JAK1: variants seen among roughly 807,000 people sequenced by gnomAD.
JAK1 encodes the protein tyrosine-protein kinase JAK1.
JAK1 carries 16 observed loss-of-function variants against 136.6 expected under a neutral mutation model. The ratio of observed to expected loss-of-function variants is 0.12; its 90% CI spans 0.08 to 0.18. The LOEUF (loss-of-function observed/expected upper bound fraction) is 0.18. Ranked by LOEUF, JAK1 falls within the 10% of genes least tolerant of loss-of-function variation. The pLI, the probability that JAK1 is intolerant of heterozygous loss-of-function variation, is 1.00. For synonymous variants in JAK1, 492 were observed against 519.5 expected, an observed-to-expected ratio of 0.95 and a Z score of 0.72; for missense variants, 859 against 1,450.1, an observed-to-expected ratio of 0.59 and a Z score of 6.62.
At chr1:65,061,241 G>A (rs1311678661) in intron 1 of JAK1, among the ~76,000 whole-genome samples, 4 of 151,996 alleles carry the variant, frequency 2.6e-5, no homozygotes, top group Admixed American at 2.6e-4. Flanking sequence ...CAACATAGTG[G>A]AAGCCTGTCT....
chr1:65,017,799 T>C (rs1432301480), intron 2 of JAK1, among the ~76,000 whole-genome samples: 1 of 151,848 alleles, frequency 6.6e-6, no homozygotes, highest in African/African-American at 2.4e-5. Context: ...GTGGAAAAAA[T>C]TTTTAATTGT....
At chr1:65,026,827 C>G (rs1646981323) in intron 2 of JAK1, among the ~76,000 whole-genome samples, 2 of 151,824 alleles carry the variant, frequency 1.3e-5, no homozygotes, top group Non-Finnish European at 2.9e-5. Flanking sequence ...ATTAGCCAGG[C>G]ATGGCGGAGT....
chr1:64,855,773 G>A (rs760699513), intron 10 of JAK1, 75 bp from the exon 11 acceptor site: 50 of 1,241,254 alleles, frequency 4.0e-5, no homozygotes, highest in South Asian at 7.4e-5. Flanking sequence ...TAACATTAGG[G>A]GAAGCTGCAT....
At chr1:64,930,325 A>C (rs150678777) in intron 1 of JAK1, among the ~76,000 whole-genome samples, 2 of 152,342 alleles carry the variant, frequency 1.3e-5, no homozygotes, top group Non-Finnish European at 2.9e-5. Context: ...AACCCCATCA[A>C]ACAGCGGGCA....
chr1:65,066,339 C>T (rs1648040751), intron 1 of JAK1, among the ~76,000 whole-genome samples: 1 of 152,206 alleles, frequency 6.6e-6, no homozygotes, highest in East Asian at 1.9e-4. Context: ...GCACCCCTCT[C>T]CCCAATAATG....
upstream of JAK1, among the ~76,000 whole-genome samples, chr1:64,968,995 G>A (rs1049058282): frequency 2.7e-5 from 4 of 146,674 alleles, no homozygotes; most frequent in East Asian, 2.0e-4. Context: ...CTGTATTTCC[G>A]ACTACTTGGG....
chr1:64,892,793 C>CA (rs1440239225), intron 1 of JAK1, among the ~76,000 whole-genome samples: 2 of 152,152 alleles, frequency 1.3e-5, no homozygotes, highest in Non-Finnish European at 2.9e-5. Flanking sequence ...AGATAGGTCT[C>CA]AAACACATTT....
rs1570623354 is a variant in JAK1, at chr1:64,845,779, G to A, written c.1988-139C>T. On this transcript the variant is annotated intron_variant, in intron 14 of 24. Coordinates refer to ENST00000342505, the MANE Select transcript of JAK1 (RefSeq NM_002227.4). ...TATCCTTGGGGGGTGCAATGGTGCA[G>A]GGGCTTCAGAGCTGGAAAGGCCAAG... 9 of 1,031,340 alleles carry A rather than the reference G, an allele frequency of 8.7e-6. No homozygotes were observed. In the East Asian group the frequency reaches 2.1e-4, roughly 25 times the overall value. 63.9% of individuals were successfully genotyped at this position (1,031,340 alleles called of 1,614,324 possible).
At chr1:65,004,421 G>T (rs559318075) in intron 2 of JAK1, among the ~76,000 whole-genome samples, 1 of 152,222 alleles carries the variant, frequency 6.6e-6, no homozygotes, top group African/African-American at 2.4e-5. Context: ...GGACTCGTGA[G>T]TGACCATCAG....
chr1:64,905,301 A>G (rs1645172808), intron 1 of JAK1, among the ~76,000 whole-genome samples: 1 of 152,198 alleles, frequency 6.6e-6, no homozygotes, highest in African/African-American at 2.4e-5. Flanking sequence ...ACAGCTTACG[A>G]AAACCTGGGA....
At chr1:65,049,266 T>A (rs939528799) in intron 1 of JAK1, among the ~76,000 whole-genome samples, 2 of 151,754 alleles carry the variant, frequency 1.3e-5, no homozygotes, top group African/African-American at 4.8e-5. Flanking sequence ...TACAGAAAAA[T>A]TTAAAAATCA....
chr1:64,863,665 C>A (rs1342836312), intron 8 of JAK1, among the ~76,000 whole-genome samples: 1 of 152,100 alleles, frequency 6.6e-6, no homozygotes, highest in East Asian at 1.9e-4. Flanking sequence ...ATATTTTGAA[C>A]AAAACTGGTC....
chr1:65,013,671 A>G (rs886239717), intron 2 of JAK1, among the ~76,000 whole-genome samples: 2 of 152,216 alleles, frequency 1.3e-5, no homozygotes, highest in Non-Finnish European at 2.9e-5. Flanking sequence ...AGGAACAAAT[A>G]CAAATCCATT....
intron 2 of JAK1, chr1:64,985,577 A>G (rs1646590973): frequency 9.1e-7 from 1 of 1,093,934 alleles, no homozygotes; most frequent in Admixed American, 2.0e-5. Flanking sequence ...TGAATTCCAG[A>G]TCAAAGATCT....
At chr1:65,058,340 G>C in intron 1 of JAK1, 1 of 529,394 alleles carries the variant, frequency 1.9e-6, no homozygotes, top group Non-Finnish European at 3.9e-6. Flanking sequence ...CAGGGTAAGA[G>C]GGTTTCTGGG....
intron 8 of JAK1, among the ~76,000 whole-genome samples, chr1:64,862,461 G>A (rs1189406137): frequency 2.0e-5 from 3 of 152,196 alleles, no homozygotes; most frequent in East Asian, 1.9e-4. Context: ...CACAGTAAGG[G>A]CTAGCGTGGT....
chr1:64,985,992 G>T, intron 2 of JAK1: 1 of 1,319,972 alleles, frequency 7.6e-7, no homozygotes, highest in Non-Finnish European at 1.1e-6. Flanking sequence ...GATCATCTCA[G>T]GAGCATTGAT....
chr1:65,066,549 G>C (rs1648051183), intron 1 of JAK1: 1 of 151,788 alleles, frequency 6.6e-6, no homozygotes, highest in African/African-American at 2.4e-5. Flanking sequence ...CGGCCGGGGA[G>C]AATCTGCGTG....
chr1:65,015,243 A>G (rs1395236069), intron 2 of JAK1, among the ~76,000 whole-genome samples: 4 of 152,246 alleles, frequency 2.6e-5, no homozygotes, highest in Non-Finnish European at 5.9e-5. Flanking sequence ...TGCATAACAC[A>G]GCATTAACAA....
Sources: allele counts gnomAD v4.1 joint callset (sites outside exome capture counted in the v4.1 genomes callset), GRCh38; gene constraint gnomAD v4.1.1; transcripts MANE v1.5; gene names NCBI Gene and HGNC (gene_info 2026-07-23, HGNC 2026-07-21).